The following KIFBP variants were observed in gnomAD, a reference collection of about 807,000 sequenced individuals.
The protein encoded by KIFBP is kinesin family binding protein.
In KIFBP, 46 loss-of-function variants were observed where a neutral mutation model predicts 58.9. The observed-to-expected ratio is 0.78, with a 90% CI of 0.62 to 1.00. The LOEUF (loss-of-function observed/expected upper bound fraction) is 1.00. Among genes scored for constraint, KIFBP ranks in the 50% least tolerant of loss-of-function variants. The pLI, the probability that KIFBP is intolerant of heterozygous loss-of-function variation, is 0.00. For synonymous variants in KIFBP, 241 were observed against 283.4 expected (o/e 0.85, Z 1.50); for missense variants, 651 against 752.9 (o/e 0.86, Z 1.58).
chr10:69,016,445 A>C lies in KIFBP; in HGVS notation c.*29A>C, dbSNP rs1839007322. 8.1e-6 allele frequency: 13 copies of C among 1,610,928 alleles called. No homozygotes were observed. Among genetic ancestry groups the C allele is most frequent in the Non-Finnish European group, 9.3e-6 (11 of 1,177,978 alleles). On this transcript the variant is annotated 3_prime_UTR_variant, in exon 7 of 7. Transcript: ENST00000361983. ...TTGTTTTTAAAGAAAGGAAATGTGC[A>C]ATATTGAAGTGATCTTTTTCCCTAG...
chr10:68,997,160 TCTCTC>T (rs1057156186), intron 1 of KIFBP, among the ~76,000 whole-genome samples: 5 of 152,214 alleles, frequency 3.3e-5, no homozygotes, highest in African/African-American at 1.2e-4. Context: ...ATTGGATAGT[TCTCTC>T]CTCTATGTTA....
At chr10:69,009,009 A>C in intron 5 of KIFBP, 84 bp downstream of exon 5, 1 of 1,107,640 alleles carries the variant, frequency 9.0e-7, no homozygotes, top group South Asian at 1.3e-5. Context: ...AAGTTGCAAG[A>C]ACAGAAGAGC....
Position 69,008,837 on chromosome 10 carries a change from A to G in KIFBP, c.790-4A>G, listed in dbSNP as rs1843563461. The G allele has an allele frequency of 1.2e-6, 2 of 1,610,326 alleles. No homozygotes were observed. The highest frequency in any genetic ancestry group is 1.7e-6 in the Non-Finnish European group (2 of 1,176,680). ...GCATTCACTGTTGTTTATTTCCCCA[A>G]TAGCTATGCTTTATGGAGGCCAGGC... On this transcript the variant is annotated splice_region_variant and splice_polypyrimidine_tract_variant and intron_variant, in intron 4 of 6. Transcript: ENST00000361983.
Position 68,988,953 on chromosome 10 carries a change from G to C in KIFBP, c.121G>C (p.Ala41Pro), listed in dbSNP as rs757781374. 3.2e-5 allele frequency: 52 copies of C among 1,614,134 alleles called. No individual in the cohort carries two copies. Among genetic ancestry groups the C allele is most frequent in the Admixed American group, 6.7e-5 (4 of 60,018 alleles). ...ATACAAGTCCAAATACAGCGCCCGGGCGCTACTGGAAGAGGTCAAGGCGCT... is the reference window on the plus strand; with the variant it reads ...ATACAAGTCCAAATACAGCGCCCGGCCGCTACTGGAAGAGGTCAAGGCGCT... ...EPYKSKYSAR[A>P]LLEEVKALLG... The change falls in exon 1 of 7, where the codon GCG (alanine) becomes CCG (proline). Residue 41 changes from alanine to proline, a missense_variant. Transcript: ENST00000361983.
chr10:68,989,328 G>T (rs1843315678), intron 1 of KIFBP, 70 bp downstream of exon 1: 15 of 1,539,786 alleles, frequency 9.7e-6, no homozygotes, highest in Non-Finnish European at 1.3e-5. Flanking sequence ...CCCCTGCCAA[G>T]GCCAAGGGCA....
At chr10:69,002,756 C>T (rs975718877) in intron 2 of KIFBP, among the ~76,000 whole-genome samples, 4 of 151,668 alleles carry the variant, frequency 2.6e-5, no homozygotes, top group Admixed American at 1.3e-4. Flanking sequence ...GGTGTGGTGG[C>T]GTGTGCTTGT....
chr10:68,997,210 C>T (rs565341282), intron 1 of KIFBP, among the ~76,000 whole-genome samples: 60 of 152,192 alleles, frequency 3.9e-4, no homozygotes, highest in Non-Finnish European at 7.1e-4. Context: ...CATTAAACTA[C>T]ATAAGTAATA....
rs1843517339 is a variant in KIFBP at position 69,005,088 on chromosome 10, G to A, written c.568G>A (p.Glu190Lys). 1 of 1,613,590 alleles carries A rather than the reference G, an allele frequency of 6.2e-7. No homozygotes were observed. Among genetic ancestry groups the A allele is most frequent in the Non-Finnish European group, 8.5e-7 (1 of 1,179,582 alleles). ...PLDPTERFLP[E>K]EEKLTEQERS... The stretch of plus-strand genomic sequence containing the variant: ...TGATCCTACTGAGCGTTTTCTTCCT[G>A]AAGAAGAGAAACTTACTGAACAAGA... Residue 190 changes from glutamate to lysine, a missense_variant, in exon 3 of 7, where the codon GAA (glutamate) becomes AAA (lysine). Glu to Lys is a moderately conservative substitution (Grantham distance 56). Transcript: ENST00000361983.
chr10:68,991,421 C>A, intron 1 of KIFBP: 1 of 353,392 alleles, frequency 2.8e-6, no homozygotes, highest in Middle Eastern at 1.2e-3. Flanking sequence ...TTCTTTCCTA[C>A]AAAAAAGATT....
chr10:69,003,200 A>G (rs967746477), intron 2 of KIFBP, among the ~76,000 whole-genome samples: 7 of 152,294 alleles, frequency 4.6e-5, no homozygotes, highest in Non-Finnish European at 5.9e-5. Context: ...ATTACGTATG[A>G]TGTGTGAAAG....
At chr10:69,001,120 AT>A (rs750335112) in intron 2 of KIFBP, among the ~76,000 whole-genome samples, 608 of 144,454 alleles carry the variant, frequency 4.2e-3, no homozygotes, top group East Asian at 4.2e-3. Context: ...TTTTTCAATG[AT>A]TTTTTTTTTT....
intron 1 of KIFBP, 149 bp downstream of exon 1, chr10:68,989,407 G>T (rs1843316436): frequency 1.1e-6 from 1 of 886,082 alleles, no homozygotes; most frequent in Non-Finnish European, 1.7e-6. Flanking sequence ...AGCGTCTGTG[G>T]TCTTCAAAAA....
intron 1 of KIFBP, among the ~76,000 whole-genome samples, chr10:68,990,203 T>G (rs751457763): frequency 5.3e-4 from 80 of 152,252 alleles, no homozygotes; most frequent in Non-Finnish European, 8.5e-4. Flanking sequence ...TTATAATACT[T>G]TTTGTTTCCC....
intron 1 of KIFBP, among the ~76,000 whole-genome samples, chr10:68,990,549 A>G (rs549543948): frequency 2.0e-5 from 3 of 152,322 alleles, no homozygotes; most frequent in South Asian, 4.1e-4. Flanking sequence ...CTCAACAACA[A>G]CAAAATCCAC....
chr10:68,990,776 C>T (rs1843334938), intron 1 of KIFBP, among the ~76,000 whole-genome samples: 1 of 151,954 alleles, frequency 6.6e-6, no homozygotes, highest in Non-Finnish European at 1.5e-5. Flanking sequence ...TGTATCACTG[C>T]ACTCCAGCCT....
At position 69,005,746 on chromosome 10, in the gene KIFBP, A is replaced by G. The variant is rs1346531121; in HGVS notation, c.620A>G (p.Tyr207Cys). 5 of 1,609,420 alleles carry G rather than the reference A, an allele frequency of 3.1e-6. No homozygotes were observed. The highest frequency in any genetic ancestry group is 4.3e-6 in the Non-Finnish European group (5 of 1,175,750). The stretch of plus-strand genomic sequence containing the variant: ...TTTCTTTACAGATTTGAAAAGGTTT[A>G]TACTCATAACCTATATTACCTAGCT... ...QERSKRFEKV[Y>C]THNLYYLAQV... The change falls in exon 4 of 7, where the codon TAT becomes TGT. Residue 207 changes from tyrosine to cysteine, a missense_variant. Tyr to Cys is a radical substitution (Grantham distance 194). Coordinates refer to ENST00000361983, the MANE Select transcript of KIFBP (RefSeq NM_015634.4).
At position 69,016,165 on chromosome 10, in the gene KIFBP, G is replaced by A. The variant is rs561448573; in HGVS notation, c.1615G>A (p.Val539Ile). The A allele has an allele frequency of 2.8e-5, 45 of 1,614,122 alleles. No individual in the cohort carries two copies. The East Asian group carries it at 9.1e-4, about 33-fold the overall frequency. ...ATTCCCTGAGCATATAGGGGAAGATGTTCTTCGCCCTGCCATGTTAGCTAA... is the reference window on the plus strand; with the variant it reads ...ATTCCCTGAGCATATAGGGGAAGATATTCTTCGCCCTGCCATGTTAGCTAA... The part of the protein sequence containing the change: ...KVFPEHIGED[V>I]LRPAMLAKFR... Residue 539 changes from valine (V) to isoleucine (I), a missense_variant, in exon 7 of 7, where the codon GTT becomes ATT. By Grantham distance (29) the Val-to-Ile change is conservative. Coordinates refer to ENST00000361983, the MANE Select transcript of KIFBP (RefSeq NM_015634.4).
intron 6 of KIFBP, among the ~76,000 whole-genome samples, chr10:69,014,774 AACTCTTTGTT>A (rs1838968989): frequency 1.4e-5 from 2 of 144,098 alleles, no homozygotes; most frequent in Non-Finnish European, 3.0e-5. Flanking sequence ...AGGTAGATTT[AACTCTTTGTT>A]CACTTTGATG....
chr10:69,001,389 A>T (rs1377009322), intron 2 of KIFBP, among the ~76,000 whole-genome samples: 4 of 152,158 alleles, frequency 2.6e-5, no homozygotes, highest in African/African-American at 9.7e-5. Context: ...CTTTTTTTTA[A>T]TATGAAAGGG....
Sources: gnomAD v4.1 joint callset for allele counts (sites outside exome capture counted in the v4.1 genomes callset) on GRCh38, gnomAD v4.1.1 for gene constraint, MANE v1.5 for transcripts, NCBI Gene and HGNC (gene_info 2026-07-23, HGNC 2026-07-21) for gene names.